The following PTCH1 variants were observed in gnomAD, a reference collection of about 807,000 sequenced individuals.
PTCH1 encodes patched 1.
In PTCH1, 14 loss-of-function variants were observed where a neutral mutation model predicts 144.6. That is an observed-to-expected ratio of 0.10 (90% CI 0.06 to 0.15). The LOEUF (loss-of-function observed/expected upper bound fraction) is 0.15. Among genes scored for constraint, PTCH1 ranks in the 10% least tolerant of loss-of-function variants. The pLI, the probability that PTCH1 is intolerant of heterozygous loss-of-function variation, is 1.00. For missense variants in PTCH1, 1,623 were observed against 1,948.3 expected (o/e 0.83, Z 3.14); for synonymous variants, 833 against 793.6 (o/e 1.05, Z -0.83).
chr9:95,449,533 A>C lies in PTCH1; in HGVS notation c.3550-210T>G, dbSNP rs1838268026. ...AGAACTGTCCTCTGCTCCACACTGG[A>C]AAGGCAGGATGTGTACTTTTTACTC... is the stretch of plus-strand genomic sequence containing the variant. On this transcript the variant is annotated intron_variant, in intron 21 of 23. Coordinates refer to ENST00000331920, the MANE Select transcript of PTCH1 (RefSeq NM_000264.5). This position sits in a 1 kb window ranked among gnomAD's most constrained non-coding sequence, Gnocchi z 5.3. The C allele has an allele frequency of 1.4e-6, 1 of 694,354 alleles. No homozygotes were observed. Among genetic ancestry groups the C allele is most frequent in the South Asian group, 1.8e-5 (1 of 54,366 alleles). 43.0% of individuals were successfully genotyped at this position (694,354 alleles called of 1,614,324 possible). A position where few individuals can be genotyped will look rare whatever the true frequency, so the allele number is the denominator to read the frequency against.
chr9:95,446,423 A>G (rs1192131155), intron 23 of PTCH1, 32 bp from the exon 24 acceptor site: 1 of 518,868 alleles, frequency 1.9e-6, no homozygotes, highest in Non-Finnish European at 3.8e-6. Context: ...GAAGTTGAAC[A>G]GAGTAAGAGG....
intron 1 of PTCH1, 99 bp downstream of exon 1, chr9:95,508,058 TGAGA>T (rs912735479): frequency 6.3e-5 from 95 of 1,501,640 alleles, no homozygotes; most frequent in African/African-American, 2.4e-4. Context: ...TGTGTGTGTG[TGAGA>T]GAGAGAGGAA....
intron 2 of PTCH1, among the ~76,000 whole-genome samples, chr9:95,492,589 G>A (rs545015711): frequency 6.6e-6 from 1 of 151,628 alleles, no homozygotes; most frequent in East Asian, 1.9e-4. Context: ...TTTAGAGTTG[G>A]GTCCCATCCT....
chr9:95,513,546 C>T (rs966385338), upstream of PTCH1, among the ~76,000 whole-genome samples: 3 of 152,058 alleles, frequency 2.0e-5, no homozygotes, highest in Non-Finnish European at 2.9e-5. Flanking sequence ...TTCAGCAGTT[C>T]CAAGCAGGTA....
chr9:95,481,765 AAAG>A (rs1451069517), intron 5 of PTCH1, 181 bp downstream of exon 5: 1 of 637,988 alleles, frequency 1.6e-6, no homozygotes, highest in Non-Finnish European at 2.7e-6. Flanking sequence ...TGTTTTTTGA[AAAG>A]AGAAAAAACA....
rs185479467 is a variant in PTCH1 at position 95,472,103 on chromosome 9, C to T, written c.1729-2172G>A. 4.2e-4 allele frequency among the ~76,000 whole-genome samples: 58 copies of T among 139,646 alleles called. 1 individual carries two copies. In the East Asian group the frequency reaches 0.011, roughly 27 times the overall value. 91.6% of individuals were successfully genotyped at this position (139,646 alleles called of 152,430 possible). On this transcript the variant is annotated intron_variant, in intron 12 of 23. Coordinates refer to ENST00000331920, the MANE Select transcript of PTCH1 (RefSeq NM_000264.5). ...TGGCAGGTGCTCCCTGTGAAAAAAA[C>T]ACAGAGTGTGCAAGAGGAGACACCT... is the stretch of plus-strand genomic sequence containing the variant.
rs946488844 is a variant in PTCH1 at position 95,481,490 on chromosome 9, C to T, written c.746+459G>A. On this transcript the variant is annotated intron_variant, in intron 5 of 23. Coordinates refer to ENST00000331920, the MANE Select transcript of PTCH1 (RefSeq NM_000264.5). ...GTGGCCTTCACAGATAGTGGATTTC[C>T]CCCTTAAATGCCATTAGTGTGATCT... Among the ~76,000 whole-genome samples, 3 of 152,162 alleles carry T rather than the reference C, an allele frequency of 2.0e-5. 1 individual carries two copies. The highest frequency in any genetic ancestry group is 4.2e-4 in the South Asian group (2 of 4,814).
At chr9:95,471,167 T>TA (rs1368005717) in intron 12 of PTCH1, among the ~76,000 whole-genome samples, 2 of 151,992 alleles carry the variant, frequency 1.3e-5, no homozygotes, top group African/African-American at 4.8e-5. Flanking sequence ...CTCAAACTGA[T>TA]AAACGTCCTA....
rs755474627 is a variant in PTCH1, at chr9:95,449,955, G to A, written c.3450-15C>T. 8.1e-6 allele frequency: 13 copies of A among 1,609,214 alleles called. No homozygotes were observed. The highest frequency in any genetic ancestry group is 1.1e-5 in the Non-Finnish European group (13 of 1,175,798). Reference sequence around the variant, plus strand: ...CAAAGAAATACCTGGGAGATCAAGAGGAAACGGGAACACGCGCTGTGACAG... The same window carrying A: ...CAAAGAAATACCTGGGAGATCAAGAAGAAACGGGAACACGCGCTGTGACAG... On this transcript the variant is annotated splice_polypyrimidine_tract_variant and intron_variant, in intron 20 of 23. Transcript: ENST00000331920. The surrounding 1 kb of genome is among the most constrained non-coding windows in gnomAD (Gnocchi z 5.3).
exon 1 of PTCH1, chr9:95,516,787 C>CA (rs1564098809): frequency 1.2e-6 from 2 of 1,612,572 alleles, no homozygotes; most frequent in East Asian, 4.5e-5. Context: ...CGCGGACTCA[C>CA]AATTACAAGC....
chr9:95,479,837 G>A (rs1406145698), intron 7 of PTCH1, 132 bp downstream of exon 7: 1 of 1,449,598 alleles, frequency 6.9e-7, no homozygotes. Flanking sequence ...AATATTCTAT[G>A]ACGCCACCTG....
Position 95,446,040 on chromosome 9 carries a change from C to A in PTCH1, c.*353G>T. 1 of 185,728 alleles carries A rather than the reference C, an allele frequency of 5.4e-6. No homozygotes were observed. 11.5% of individuals were successfully genotyped at this position (185,728 alleles called of 1,614,324 possible). A position where few individuals can be genotyped will look rare whatever the true frequency, so the allele number is the denominator to read the frequency against. On this transcript the variant is annotated 3_prime_UTR_variant, in exon 24 of 24. Coordinates refer to ENST00000331920, the MANE Select transcript of PTCH1 (RefSeq NM_000264.5). ...AGTAAATTATACAATATTTAAGCAGCAGCAACATATGCTGAAATTTAAGAC... is the reference window on the plus strand; with the variant it reads ...AGTAAATTATACAATATTTAAGCAGAAGCAACATATGCTGAAATTTAAGAC...
At chr9:95,459,449 C>T in intron 17 of PTCH1, 151 bp downstream of exon 17, 1 of 993,270 alleles carries the variant, frequency 1.0e-6, no homozygotes. Flanking sequence ...ACATCCTCGT[C>T]TCCCAGAGTT....
rs183890322 is a variant in PTCH1 at position 95,449,004 on chromosome 9, C to T, written c.3804+65G>A. ...GCTGCTCAGCAGACAGGAGCCCCCGCTGGACCTCCAGGCCCACTACCACGG... is the reference window on the plus strand; with the variant it reads ...GCTGCTCAGCAGACAGGAGCCCCCGTTGGACCTCCAGGCCCACTACCACGG... On this transcript the variant is annotated intron_variant, in intron 22 of 23. Coordinates refer to ENST00000331920, the MANE Select transcript of PTCH1 (RefSeq NM_000264.5). The surrounding 1 kb of genome is among the most constrained non-coding windows in gnomAD (Gnocchi z 5.3). 1.4e-5 allele frequency: 22 copies of T among 1,605,412 alleles called. No homozygotes were observed. The East Asian group carries it at 4.7e-4, about 34-fold the overall frequency.
chr9:95,495,722 T>C (rs564478942), intron 2 of PTCH1, among the ~76,000 whole-genome samples: 1 of 151,992 alleles, frequency 6.6e-6, no homozygotes, highest in East Asian at 1.9e-4. Flanking sequence ...AATAAGACAA[T>C]GTGGGCAGGA....
rs1051801923 is a variant in PTCH1, at chr9:95,444,238, A to G, written c.*2155T>C. 11 of 138,418 alleles carry G rather than the reference A, an allele frequency of 7.9e-5. No individual in the cohort carries two copies. Among genetic ancestry groups the G allele is most frequent in the African/African-American group, 1.8e-4 (7 of 38,456 alleles). The allele number at this position is 138,418 out of a possible 1,614,324, so 8.6% of individuals were successfully genotyped here. ...GCCCACCCCAGTTCTCCCTTTGCCA[A>G]TGTGACTATTGGAGAAAGTTCTACA... is the stretch of plus-strand genomic sequence containing the variant. On this transcript the variant is annotated 3_prime_UTR_variant, in exon 24 of 24. Coordinates refer to ENST00000331920, the MANE Select transcript of PTCH1 (RefSeq NM_000264.5).
At chr9:95,483,364 A>C (rs1391115992) in intron 3 of PTCH1, 1 of 151,796 alleles carries the variant, frequency 6.6e-6, no homozygotes, top group Non-Finnish European at 1.5e-5. Flanking sequence ...CTAACGAAAA[A>C]AAAAAGAAAA....
At chr9:95,486,325 T>C (rs576426823) in intron 2 of PTCH1, among the ~76,000 whole-genome samples, 1 of 152,352 alleles carries the variant, frequency 6.6e-6, no homozygotes, top group Non-Finnish European at 1.5e-5. Context: ...GTTTCTCCTC[T>C]GTGGAAAAAG....
intron 2 of PTCH1, among the ~76,000 whole-genome samples, chr9:95,500,186 C>T (rs569415976): frequency 2.0e-5 from 3 of 152,096 alleles, no homozygotes; most frequent in African/African-American, 7.2e-5. Flanking sequence ...AACCTCTGAG[C>T]GGCATCCTAT....
Sources: gnomAD v4.1 joint callset for allele counts (sites outside exome capture counted in the v4.1 genomes callset) on GRCh38, gnomAD v4.1.1 for gene constraint, Gnocchi (gnomAD v3.1) non-coding constraint, MANE v1.5 for transcripts, NCBI Gene and HGNC (gene_info 2026-07-23, HGNC 2026-07-21) for gene names.